The following FSIP1 variants were observed in gnomAD, a reference collection of about 807,000 sequenced individuals.
FSIP1 encodes the protein fibrous sheath-interacting protein 1.
A neutral mutation model predicts 60.9 loss-of-function variants in FSIP1; 65 were observed. That is an observed-to-expected ratio of 1.07 (90% CI 0.87 to 1.31). The LOEUF (loss-of-function observed/expected upper bound fraction) is 1.31. Ranked by LOEUF, FSIP1 falls within the 40% of genes most tolerant of loss-of-function variation. The pLI is 0.00. For missense variants in FSIP1, 675 were observed against 665.5 expected (o/e 1.01, Z -0.16); for synonymous variants, 209 against 221.2 (o/e 0.94, Z 0.49).
chr15:39,641,426 C>G (rs1892364784), intron 10 of FSIP1, among the ~76,000 whole-genome samples: 1 of 152,106 alleles, frequency 6.6e-6, no homozygotes, highest in African/African-American at 2.4e-5. Flanking sequence ...CCCTGGATGC[C>G]TGTCATTTGC....
chr15:39,621,958 A>G (rs1469752067), intron 10 of FSIP1, among the ~76,000 whole-genome samples: 1 of 152,202 alleles, frequency 6.6e-6, no homozygotes, highest in East Asian at 1.9e-4. Context: ...GAGTGCTTAA[A>G]CCATTTTTTA....
At chr15:39,774,302 G>A (rs1897981468) in intron 2 of FSIP1, among the ~76,000 whole-genome samples, 1 of 152,098 alleles carries the variant, frequency 6.6e-6, no homozygotes, top group Admixed American at 6.5e-5. Flanking sequence ...GGCCAATATG[G>A]TGAAACCCCA....
chr15:39,677,889 G>C (rs992818388), intron 10 of FSIP1, among the ~76,000 whole-genome samples: 13 of 151,862 alleles, frequency 8.6e-5, no homozygotes, highest in Admixed American at 1.3e-4. Context: ...CCAGTTACTC[G>C]GGAGGCTGAG....
intron 5 of FSIP1, among the ~76,000 whole-genome samples, chr15:39,743,259 G>A (rs1490628802): frequency 6.6e-6 from 1 of 152,134 alleles, no homozygotes; most frequent in Non-Finnish European, 1.5e-5. Context: ...TGGGTAAGAA[G>A]AATTTGAAAT....
intron 10 of FSIP1, among the ~76,000 whole-genome samples, chr15:39,645,855 C>T (rs1461349597): frequency 6.6e-6 from 1 of 152,220 alleles, no homozygotes; most frequent in Non-Finnish European, 1.5e-5. Flanking sequence ...GGGCCATGAA[C>T]GGCAGCAGGA....
At chr15:39,683,225 T>C (rs1236243851) in intron 10 of FSIP1, among the ~76,000 whole-genome samples, 2 of 152,028 alleles carry the variant, frequency 1.3e-5, no homozygotes, top group African/African-American at 4.8e-5. Flanking sequence ...ACTTCAAAAC[T>C]TGATACAAAC....
At chr15:39,668,659 G>A (rs145978413) in intron 10 of FSIP1, among the ~76,000 whole-genome samples, 8 of 152,276 alleles carry the variant, frequency 5.3e-5, no homozygotes, top group East Asian at 1.9e-4. Flanking sequence ...CAGAGTGACC[G>A]TGTCACTTGT....
chr15:39,683,825 C>T (rs1382188234), intron 10 of FSIP1, among the ~76,000 whole-genome samples: 3 of 152,028 alleles, frequency 2.0e-5, no homozygotes, highest in Admixed American at 2.0e-4. Flanking sequence ...ATATTAGAAA[C>T]CAAGAAAAAA....
At chr15:39,662,089 C>T (rs1443172640) in intron 10 of FSIP1, among the ~76,000 whole-genome samples, 1 of 152,028 alleles carries the variant, frequency 6.6e-6, no homozygotes, top group Non-Finnish European at 1.5e-5. Flanking sequence ...CAGTTAACTA[C>T]CACATTAAAA....
chr15:39,777,131 G>A (rs568935098), intron 1 of FSIP1, among the ~76,000 whole-genome samples: 8 of 151,730 alleles, frequency 5.3e-5, no homozygotes, highest in Admixed American at 2.0e-4. Flanking sequence ...ACGGGGTTTC[G>A]CCATGTTGGC....
intron 6 of FSIP1, among the ~76,000 whole-genome samples, chr15:39,740,284 C>T (rs1317488685): frequency 6.7e-6 from 1 of 148,782 alleles, no homozygotes; most frequent in Non-Finnish European, 1.5e-5. Context: ...CGTCCCATGT[C>T]CTAGCTCCCA....
intron 10 of FSIP1, among the ~76,000 whole-genome samples, chr15:39,650,177 C>A (rs1892807006): frequency 6.6e-6 from 1 of 152,210 alleles, no homozygotes; most frequent in African/African-American, 2.4e-5. Flanking sequence ...CTATGGAATT[C>A]TCAGAGGCTT....
intron 11 of FSIP1, among the ~76,000 whole-genome samples, chr15:39,601,629 C>T (rs1890643536): frequency 6.6e-6 from 1 of 152,048 alleles, no homozygotes; most frequent in African/African-American, 2.4e-5. Flanking sequence ...TATGTAATAG[C>T]CAAAAAGTGG....
At chr15:39,639,695 A>G (rs944353713) in intron 10 of FSIP1, among the ~76,000 whole-genome samples, 1 of 152,198 alleles carries the variant, frequency 6.6e-6, no homozygotes, top group African/African-American at 2.4e-5. Flanking sequence ...TACTGTTTAA[A>G]ATCACAAATG....
intron 1 of FSIP1, 34 bp from the exon 2 acceptor site, chr15:39,776,565 G>A (rs529339728): frequency 2.0e-5 from 31 of 1,515,900 alleles, no homozygotes; most frequent in African/African-American, 8.4e-5. Flanking sequence ...AATACCAAGC[G>A]ACTCGGATAT....
chr15:39,772,381 C>T (rs954074501), intron 2 of FSIP1, among the ~76,000 whole-genome samples: 2 of 152,098 alleles, frequency 1.3e-5, no homozygotes, highest in African/African-American at 2.4e-5. Context: ...CAGCCTCGAC[C>T]TCCTGGGCTC....
chr15:39,634,321 T>A (rs1406062478), intron 10 of FSIP1, among the ~76,000 whole-genome samples: 1 of 152,226 alleles, frequency 6.6e-6, no homozygotes, highest in Non-Finnish European at 1.5e-5. Context: ...GGTCTTACTA[T>A]CACCAAATCC....
chr15:39,718,343 C>G (rs1008177880), intron 9 of FSIP1, among the ~76,000 whole-genome samples: 1 of 151,734 alleles, frequency 6.6e-6, no homozygotes, highest in African/African-American at 2.4e-5. Context: ...TATATATAGT[C>G]TGTGTGCGTA....
chr15:39,638,234 C>A (rs77761770), intron 10 of FSIP1, among the ~76,000 whole-genome samples: 1,560 of 152,300 alleles, frequency 0.01, 33 homozygotes, highest in African/African-American at 0.036. Flanking sequence ...CAGAAAAATT[C>A]TTATAATAAC....
Sources: allele counts gnomAD v4.1 joint callset (sites outside exome capture counted in the v4.1 genomes callset), GRCh38; gene constraint gnomAD v4.1.1; transcripts MANE v1.5; gene names NCBI Gene and HGNC (gene_info 2026-07-23, HGNC 2026-07-21).